Variants in WFS1 observed in about 807,000 individuals in gnomAD.
The protein encoded by WFS1 is wolframin.
Under a neutral mutation model 68.5 loss-of-function variants are expected in WFS1, and 90 were observed. The observed-to-expected ratio is 1.31, with a 90% confidence interval of 1.11 to 1.56. The LOEUF is 1.56. WFS1 is among the 40% of genes most tolerant of loss of function. WFS1 has a pLI of 0.00. For missense variants in WFS1, 1,767 were observed against 1,232.6 expected, an observed-to-expected ratio of 1.43 and a Z score of -6.49; for synonymous variants, 860 against 540.7, an observed-to-expected ratio of 1.59 and a Z score of -8.19.
At position 6,301,469 on chromosome 4, in the gene WFS1, C is replaced by T. The variant is rs61735402; in HGVS notation, c.1674C>T (p.Arg558=). The T allele has an allele frequency of 5.0e-4, 800 of 1,612,854 alleles. 2 individuals carry two copies. In the African/African-American group the frequency reaches 8.4e-3, roughly 17 times the overall value. ...AGTCCACCGGCCTGGGGCTGCTCCGCGCCTCCATCGGCTACTTCCTCTTCC... is the reference window on the plus strand; with the variant it reads ...AGTCCACCGGCCTGGGGCTGCTCCGTGCCTCCATCGGCTACTTCCTCTTCC... ...LLESTGLGLL[R]ASIGYFLFLF... is the part of the protein sequence containing the mutation. The change falls in exon 8 of 8, where the codon CGC becomes CGT. Residue 558 remains arginine (R), a synonymous_variant. Coordinates refer to ENST00000226760, the MANE Select transcript of WFS1 (RefSeq NM_006005.3).
At chr4:6,286,238 G>A (rs12508672) in intron 2 of WFS1, among the ~76,000 whole-genome samples, 100,726 of 152,048 alleles carry the variant, frequency 0.66, 34,136 homozygotes, top group East Asian at 0.94. Context: ...ATTTGCTGAG[G>A]TCTTCACCCC....
chr4:6,288,983 G>A lies in WFS1; in HGVS notation c.316-4G>A, dbSNP rs1206899507. ...CTGGAGGCTGACTGGTGTCTGGCTT[G>A]CAGGTGGGGAAGCACTACCTGCAGT... On this transcript the variant is annotated splice_polypyrimidine_tract_variant and splice_region_variant and intron_variant, in intron 3 of 7. Transcript: ENST00000226760. The A allele has an allele frequency of 6.2e-7, 1 of 1,607,834 alleles. No homozygotes were observed. The highest frequency in any genetic ancestry group is 1.1e-5 in the South Asian group (1 of 89,410).
Position 6,301,095 on chromosome 4 carries a change from G to C in WFS1, c.1300G>C (p.Val434Leu), listed in dbSNP as rs778691370. The stretch of plus-strand genomic sequence containing the variant: ...CTGCATCCCCTGCTCGGAGCTGGCT[G>C]TCATCACCGGCTTCTTTACCGTGAC... ...KDCIPCSELA[V>L]ITGFFTVTSY... The change falls in exon 8 of 8, where the codon GTC becomes CTC. Residue 434 changes from valine (V) to leucine (L), a missense_variant. Val to Leu is a conservative substitution (Grantham distance 32). Transcript: ENST00000226760. 1 of 1,613,932 alleles carries C rather than the reference G, an allele frequency of 6.2e-7. No homozygotes were observed. The highest frequency in any genetic ancestry group is 1.1e-5 in the South Asian group (1 of 91,072).
At position 6,300,789 on chromosome 4, in the gene WFS1, A is replaced by T. The variant is rs564413149; in HGVS notation, c.994A>T (p.Ile332Phe). 1.2e-6 allele frequency: 2 copies of T among 1,613,816 alleles called. No individual in the cohort carries two copies. The highest frequency in any genetic ancestry group is 1.3e-5 in the African/African-American group (1 of 74,852). The change falls in exon 8 of 8, where the codon ATC becomes TTC. Residue 332 changes from isoleucine to phenylalanine, a missense_variant. Coordinates refer to ENST00000226760, the MANE Select transcript of WFS1 (RefSeq NM_006005.3). ...CATCAACGCGCTCATCTTCTTCTTC[A>T]TCGTCAGCAACCTCACCATCGACTT... ...HHINALIFFFIVSNLTIDFFA... is the reference protein window; with the variant it reads ...HHINALIFFFFVSNLTIDFFA...
At position 6,302,250 on chromosome 4, in the gene WFS1, C is replaced by G. The variant is rs104893881; in HGVS notation, c.2455C>G (p.Gln819Glu). The change falls in exon 8 of 8, where the codon CAG (glutamine) becomes GAG (glutamate). Residue 819 changes from glutamine to glutamate, a missense_variant. Gln to Glu is a conservative substitution (Grantham distance 29). Coordinates refer to ENST00000226760, the MANE Select transcript of WFS1 (RefSeq NM_006005.3). Reference protein sequence around the residue: ...EFKSVLLSLRQGSLIEFSTIL... With the variant: ...EFKSVLLSLREGSLIEFSTIL... ...CAAGAGCGTGCTGCTCAGCCTGCGCCAGGGCAGCCTCATCGAGTTCAGCAC... is the reference window on the plus strand; with the variant it reads ...CAAGAGCGTGCTGCTCAGCCTGCGCGAGGGCAGCCTCATCGAGTTCAGCAC... The G allele has an allele frequency of 6.2e-7, 1 of 1,605,044 alleles. No homozygotes were observed. The highest frequency in any genetic ancestry group is 1.3e-5 in the African/African-American group (1 of 74,792).
intron 2 of WFS1, among the ~76,000 whole-genome samples, chr4:6,281,118 CCACAGGGA>C (rs903550859): frequency 1.3e-5 from 2 of 152,192 alleles, no homozygotes; most frequent in Admixed American, 6.5e-5. Context: ...GCTTTGGCAG[CCACAGGGA>C]CACAGATGCG....
rs775216682 is a variant in WFS1 at position 6,302,020 on chromosome 4, G to C, written c.2225G>C (p.Cys742Ser). Residue 742 changes from cysteine to serine, a missense_variant, in exon 8 of 8, where the codon TGC (cysteine) becomes TCC (serine). Transcript: ENST00000226760. ...RCLYGEAYPA[C>S]SPGNTSTAEE... ...CTCTACGGCGAGGCCTACCCTGCCTGCAGCCCTGGCAACACCTCCACGGCC... is the reference window on the plus strand; with the variant it reads ...CTCTACGGCGAGGCCTACCCTGCCTCCAGCCCTGGCAACACCTCCACGGCC... 6.2e-7 allele frequency: 1 copy of C among 1,612,720 alleles called. No individual in the cohort carries two copies. Among genetic ancestry groups the C allele is most frequent in the Non-Finnish European group, 8.5e-7 (1 of 1,179,914 alleles).
In WFS1 at chr4:6,302,328, A is replaced by C. The variant is rs750278568; in HGVS notation, c.2533A>C (p.Ile845Leu). 6.2e-6 allele frequency: 10 copies of C among 1,612,412 alleles called. No homozygotes were observed. The highest frequency in any genetic ancestry group is 1.1e-5 in the South Asian group (1 of 91,076). The change falls in exon 8 of 8, where the codon ATC (isoleucine) becomes CTC (leucine). Residue 845 changes from isoleucine to leucine, a missense_variant. Physicochemically the swap from Ile to Leu is conservative, Grantham distance 5. Coordinates refer to ENST00000226760, the MANE Select transcript of WFS1 (RefSeq NM_006005.3). ...SKWPVFELKA[I>L]SCLNCMAQLS... ...GTGGCCTGTCTTCGAGCTCAAGGCC[A>C]TCAGCTGCCTCAACTGCATGGCCCA...
In WFS1 at chr4:6,302,723, G is replaced by T. The variant is rs1027290250; in HGVS notation, c.*255G>T. 91 of 596,038 alleles carry T rather than the reference G, an allele frequency of 1.5e-4. No individual in the cohort carries two copies. In the African/African-American group the frequency reaches 1.6e-3, roughly 10 times the overall value. The allele number at this position is 596,038 out of a possible 1,614,324, so 36.9% of individuals were successfully genotyped here. A position where few individuals can be genotyped will look rare whatever the true frequency, so the allele number is the denominator to read the frequency against. On this transcript the variant is annotated 3_prime_UTR_variant, in exon 8 of 8. Coordinates refer to ENST00000226760, the MANE Select transcript of WFS1 (RefSeq NM_006005.3). ...CACCCTGAGCCTGACCTTTCTGAGTGACATGGGTGTGCCAGGCTAGACTAG... is the reference window on the plus strand; with the variant it reads ...CACCCTGAGCCTGACCTTTCTGAGTTACATGGGTGTGCCAGGCTAGACTAG...
In WFS1 at chr4:6,287,355, G is replaced by C; in HGVS notation, c.315+180G>C. ...TAGGGTGCCCATGTTCACTGTGCCAGTTTTCCTCCTGGCACTCCTCTGGGG... is the reference window on the plus strand; with the variant it reads ...TAGGGTGCCCATGTTCACTGTGCCACTTTTCCTCCTGGCACTCCTCTGGGG... On this transcript the variant is annotated intron_variant, in intron 3 of 7. Coordinates refer to ENST00000226760, the MANE Select transcript of WFS1 (RefSeq NM_006005.3). This position sits in a 1 kb window ranked among gnomAD's most constrained non-coding sequence, Gnocchi z 6.4. 1 of 648,270 alleles carries C rather than the reference G, an allele frequency of 1.5e-6. No homozygotes were observed. Among genetic ancestry groups the C allele is most frequent in the Non-Finnish European group, 2.8e-6 (1 of 356,418 alleles). 40.2% of individuals were successfully genotyped at this position (648,270 alleles called of 1,614,324 possible).
At chr4:6,276,557 C>T (rs985249055) in intron 1 of WFS1, among the ~76,000 whole-genome samples, 14 of 152,126 alleles carry the variant, frequency 9.2e-5, no homozygotes, top group Non-Finnish European at 1.8e-4. Flanking sequence ...GGCTGTGGAG[C>T]GGCAGATCTG....
Position 6,300,883 on chromosome 4 carries a change from A to C in WFS1, c.1088A>C (p.Lys363Thr), listed in dbSNP as rs1386447227. 6.2e-7 allele frequency: 1 copy of C among 1,613,850 alleles called. No individual in the cohort carries two copies. The highest frequency in any genetic ancestry group is 1.3e-5 in the African/African-American group (1 of 74,828). The change falls in exon 8 of 8, where the codon AAG becomes ACG. Residue 363 changes from lysine (K) to threonine (T), a missense_variant. Physicochemically the swap from Lys to Thr is moderately conservative, Grantham distance 78. Coordinates refer to ENST00000226760, the MANE Select transcript of WFS1 (RefSeq NM_006005.3). Reference sequence around the variant, plus strand: ...ATCTCCATGGTGATCTGCACCCTCAAGGTGTTCCAGGACAGCAAGGCCTGG... The same window carrying C: ...ATCTCCATGGTGATCTGCACCCTCACGGTGTTCCAGGACAGCAAGGCCTGG... ...SFISMVICTL[K>T]VFQDSKAWEN...
At chr4:6,297,642 G>A (rs1192035460) in intron 7 of WFS1, among the ~76,000 whole-genome samples, 1 of 152,132 alleles carries the variant, frequency 6.6e-6, no homozygotes, top group Non-Finnish European at 1.5e-5. Context: ...GTGTGGTGAC[G>A]CTGCTTCCTG....
In WFS1 at chr4:6,302,742, A is replaced by G. The variant is rs1046325; in HGVS notation, c.*274A>G. 0.08 allele frequency: 45,234 copies of G among 566,856 alleles called. 1,927 individuals carry two copies. Among genetic ancestry groups the G allele is most frequent in the Middle Eastern group, 0.15 (315 of 2,088 alleles). 35.1% of individuals were successfully genotyped at this position (566,856 alleles called of 1,614,324 possible). Reference sequence around the variant, plus strand: ...CTGAGTGACATGGGTGTGCCAGGCTAGACTAGGAGGTTCCGGTGTCTGGAA... The same window carrying G: ...CTGAGTGACATGGGTGTGCCAGGCTGGACTAGGAGGTTCCGGTGTCTGGAA... On this transcript the variant is annotated 3_prime_UTR_variant, in exon 8 of 8. Coordinates refer to ENST00000226760, the MANE Select transcript of WFS1 (RefSeq NM_006005.3).
At chr4:6,297,960 A>C (rs1398879675) in intron 7 of WFS1, among the ~76,000 whole-genome samples, 6 of 152,200 alleles carry the variant, frequency 3.9e-5, no homozygotes, top group African/African-American at 1.4e-4. Context: ...GCTAGACGCC[A>C]TCCAACGTAA....
At chr4:6,293,849 C>T (rs1011136804) in intron 6 of WFS1, among the ~76,000 whole-genome samples, 3 of 152,156 alleles carry the variant, frequency 2.0e-5, no homozygotes, top group Non-Finnish European at 4.4e-5. Flanking sequence ...GTCCTGAACC[C>T]GCAAGCCCCC....
At chr4:6,281,221 G>A (rs1215395502) in intron 2 of WFS1, among the ~76,000 whole-genome samples, 1 of 152,166 alleles carries the variant, frequency 6.6e-6, no homozygotes, top group African/African-American at 2.4e-5. Flanking sequence ...GCCAGTTAGA[G>A]CCGCTGGGCG....
chr4:6,289,279 AT>A, intron 4 of WFS1, 148 bp downstream of exon 4: 1 of 1,059,846 alleles, frequency 9.4e-7, no homozygotes, highest in African/African-American at 1.6e-5. Flanking sequence ...TGGCCTTCTC[AT>A]TTTAGACACT....
chr4:6,294,004 A>ATC (rs141974389), intron 6 of WFS1, among the ~76,000 whole-genome samples: 23,306 of 152,058 alleles, frequency 0.15, 2,193 homozygotes, highest in African/African-American at 0.25. Flanking sequence ...AGGCTGCCTC[A>ATC]TCTCTTTGCT....
Sources: gnomAD v4.1 joint callset for allele counts (sites outside exome capture counted in the v4.1 genomes callset) on GRCh38, gnomAD v4.1.1 for gene constraint, Gnocchi (gnomAD v3.1) non-coding constraint, MANE v1.5 for transcripts, NCBI Gene and HGNC (gene_info 2026-07-23, HGNC 2026-07-21) for gene names.